Variants in BEND6 observed in about 807,000 individuals in gnomAD.
BEND6 encodes BEN domain-containing protein 6.
BEND6 carries 24 observed loss-of-function variants against 31.8 expected under a neutral mutation model. The ratio of observed to expected loss-of-function variants is 0.75; its 90% CI spans 0.55 to 1.06. The LOEUF is 1.06. Among genes scored for constraint, BEND6 ranks in the 50% least tolerant of loss-of-function variants. The pLI, the probability that BEND6 is intolerant of heterozygous loss-of-function variation, is 0.00. For synonymous variants in BEND6, 109 were observed against 114.6 expected, an observed-to-expected ratio of 0.95 and a Z score of 0.31; for missense variants, 294 against 327.4, an observed-to-expected ratio of 0.90 and a Z score of 0.79.
intron 5 of BEND6, 142 bp downstream of exon 5, chr6:57,017,541 C>T: frequency 1.5e-6 from 1 of 650,160 alleles, no homozygotes; most frequent in Non-Finnish European, 2.2e-6. Context: ...CTAAAGCTCT[C>T]ATTAAATATG....
chr6:56,956,236 C>CT (rs1036289885), intron 1 of BEND6, among the ~76,000 whole-genome samples: 1 of 152,208 alleles, frequency 6.6e-6, no homozygotes, highest in African/African-American at 2.4e-5. Context: ...GTATTAGCCT[C>CT]TTTTTTGGAA....
chr6:57,007,853 G>C (rs1287999612), intron 3 of BEND6, among the ~76,000 whole-genome samples: 2 of 152,154 alleles, frequency 1.3e-5, no homozygotes, highest in Non-Finnish European at 2.9e-5. Context: ...GCTGGGTCCA[G>C]CTGTGTTTTC....
intron 3 of BEND6, among the ~76,000 whole-genome samples, chr6:57,005,995 A>G (rs1480437106): frequency 6.6e-6 from 1 of 152,206 alleles, no homozygotes; most frequent in Non-Finnish European, 1.5e-5. Context: ...ATATCCTCCA[A>G]ACAGAACCTA....
intron 3 of BEND6, among the ~76,000 whole-genome samples, chr6:56,999,905 C>T (rs770714768): frequency 6.6e-6 from 1 of 151,750 alleles, no homozygotes; most frequent in Non-Finnish European, 1.5e-5. Context: ...CGCCTCTGCC[C>T]AGCCGCCCCG....
At chr6:56,983,870 C>A (rs1286383994) in intron 2 of BEND6, among the ~76,000 whole-genome samples, 1 of 152,182 alleles carries the variant, frequency 6.6e-6, no homozygotes, top group African/African-American at 2.4e-5. Flanking sequence ...TTGCCTCCAG[C>A]ATCTTGCTAC....
chr6:56,988,330 T>A (rs1049937940), intron 2 of BEND6, among the ~76,000 whole-genome samples: 7 of 152,078 alleles, frequency 4.6e-5, no homozygotes, highest in African/African-American at 1.7e-4. Context: ...GTGCTTTTTT[T>A]CAACTGAATC....
intron 3 of BEND6, chr6:57,008,337 G>A (rs1414614720): frequency 1.5e-6 from 1 of 663,928 alleles, no homozygotes; most frequent in African/African-American, 1.8e-5. Context: ...CCCATGCAAG[G>A]CTACTACTGA....
Position 57,027,336 on chromosome 6 carries a change from A to C in BEND6, c.*1264A>C, listed in dbSNP as rs1354342831. The C allele has an allele frequency of 6.6e-6, 1 of 152,260 alleles. No homozygotes were observed. The highest frequency in any genetic ancestry group is 2.4e-5 in the African/African-American group (1 of 41,476). The allele number at this position is 152,260 out of a possible 1,614,324, so 9.4% of individuals were successfully genotyped here. A position where few individuals can be genotyped will look rare whatever the true frequency, so the allele number is the denominator to read the frequency against. On this transcript the variant is annotated 3_prime_UTR_variant, in exon 7 of 7. Transcript: ENST00000370746. ...ATGTAAACATAAATAAATCCCATTT[A>C]AAAGATAAAACTTATTTTCTTGTTT...
At position 56,955,214 on chromosome 6, in the gene BEND6, G is replaced by T. The variant is rs1282777008; in HGVS notation, c.-347G>T. The T allele has an allele frequency of 6.6e-6, 1 of 151,724 alleles. No individual in the cohort carries two copies. The highest frequency in any genetic ancestry group is 1.5e-5 in the Non-Finnish European group (1 of 67,888). 9.4% of individuals were successfully genotyped at this position (151,724 alleles called of 1,614,324 possible). ...CCTGAGAGCCCAGCGCCCTCCCGCG[G>T]GGCCGCCCGCCAGTCCGCGCCGTCC... On this transcript the variant is annotated 5_prime_UTR_variant, in exon 1 of 7. Transcript: ENST00000370746.
intron 1 of BEND6, among the ~76,000 whole-genome samples, chr6:56,978,965 T>C (rs1014897523): frequency 2.4e-4 from 36 of 152,224 alleles, no homozygotes; most frequent in Admixed American, 2.2e-3. Context: ...AACTAATTGA[T>C]GATGCATAAG....
chr6:57,016,829 C>A (rs929206237), intron 4 of BEND6, among the ~76,000 whole-genome samples: 3 of 152,124 alleles, frequency 2.0e-5, no homozygotes, highest in African/African-American at 4.8e-5. Context: ...TGTGAGGCAA[C>A]GTGTTATAGG....
At chr6:57,009,373 A>C (rs1216247193) in intron 3 of BEND6, 3 of 152,226 alleles carry the variant, frequency 2.0e-5, no homozygotes, top group Non-Finnish European at 4.4e-5. Flanking sequence ...ATGTATCAAA[A>C]CATCATTATT....
intron 1 of BEND6, among the ~76,000 whole-genome samples, chr6:56,981,066 G>A (rs990006183): frequency 1.3e-5 from 2 of 151,980 alleles, no homozygotes; most frequent in South Asian, 2.1e-4. Flanking sequence ...CTCCCACCTC[G>A]GCCTGCCAAA....
At chr6:56,966,566 T>C (rs887634536) in intron 1 of BEND6, among the ~76,000 whole-genome samples, 6 of 152,238 alleles carry the variant, frequency 3.9e-5, no homozygotes, top group African/African-American at 1.4e-4. Context: ...CAGATAGTTC[T>C]GCCTGTGCCT....
chr6:57,019,004 C>G (rs572598149), intron 6 of BEND6, among the ~76,000 whole-genome samples: 1 of 152,292 alleles, frequency 6.6e-6, no homozygotes, highest in South Asian at 2.1e-4. Flanking sequence ...ATCGATGAGA[C>G]TGAACTTACA....
intron 3 of BEND6, chr6:57,014,598 C>A: frequency 8.7e-7 from 1 of 1,145,440 alleles, no homozygotes; most frequent in Non-Finnish European, 1.2e-6. Context: ...TAATATATCA[C>A]AACACAGGTT....
rs1390929800 is a variant in BEND6 at position 56,992,424 on chromosome 6, G to C, written c.167G>C (p.Ser56Thr). ...GNAFLPGESS[S>T]EDEEPLAELS... ...GCCTTTCTGCCTGGTGAAAGCTCCA[G>C]TGAGGATGAAGAGCCTTTAGCAGAA... The change falls in exon 3 of 7, where the codon AGT becomes ACT. Residue 56 changes from serine (S) to threonine (T), a missense_variant. Coordinates refer to ENST00000370746, the MANE Select transcript of BEND6 (RefSeq NM_152731.3). The C allele has an allele frequency of 1.9e-6, 3 of 1,613,874 alleles. No individual in the cohort carries two copies. Among genetic ancestry groups the C allele is most frequent in the Admixed American group, 3.3e-5 (2 of 59,960 alleles).
chr6:57,010,797 A>G (rs1827318094), intron 3 of BEND6: 25 of 823,556 alleles, frequency 3.0e-5, no homozygotes, highest in Non-Finnish European at 3.7e-5. Context: ...TAAGTATAAA[A>G]TAAATGGATA....
intron 3 of BEND6, among the ~76,000 whole-genome samples, chr6:56,995,568 G>T (rs911630409): frequency 1.3e-5 from 2 of 152,176 alleles, no homozygotes; most frequent in African/African-American, 4.8e-5. Flanking sequence ...CCCTGCAGGT[G>T]CTAGGAATAA....
Sources: allele counts gnomAD v4.1 joint callset (sites outside exome capture counted in the v4.1 genomes callset), GRCh38; gene constraint gnomAD v4.1.1; transcripts MANE v1.5; gene names NCBI Gene and HGNC (gene_info 2026-07-23, HGNC 2026-07-21).